AGBL4: variants seen among roughly 807,000 people sequenced by gnomAD.
AGBL4 encodes the protein cytosolic carboxypeptidase 6.
AGBL4 carries 58 observed loss-of-function variants against 66.4 expected under a neutral mutation model. The observed-to-expected ratio is 0.87, with a 90% confidence interval of 0.71 to 1.09. The LOEUF is 1.09. Among genes scored for constraint, AGBL4 ranks in the 50% least tolerant of loss-of-function variants. The probability of loss-of-function intolerance (pLI) is 0.00; values close to 1 mark genes in which losing one functional copy is unlikely to be tolerated. For synonymous variants in AGBL4, 234 were observed against 222.9 expected (o/e 1.05, Z -0.44); for missense variants, 579 against 631.0 (o/e 0.92, Z 0.88).
chr1:49,219,194 G>T (rs1369604161), intron 4 of AGBL4, among the ~76,000 whole-genome samples: 3 of 152,086 alleles, frequency 2.0e-5, no homozygotes, highest in African/African-American at 7.2e-5. Context: ...GCACAGGATT[G>T]TCACCCATCA....
At chr1:48,902,291 TA>T (rs950203732) in intron 5 of AGBL4, among the ~76,000 whole-genome samples, 19 of 152,116 alleles carry the variant, frequency 1.2e-4, no homozygotes, top group African/African-American at 4.3e-4. Context: ...TTTTTTAAAA[TA>T]AAAAACCATA....
chr1:49,705,448 G>A (rs1437185711), intron 2 of AGBL4, among the ~76,000 whole-genome samples: 1 of 150,614 alleles, frequency 6.6e-6, no homozygotes, highest in South Asian at 2.1e-4. Flanking sequence ...AGCCAGATGA[G>A]GGGATTTTCT....
intron 2 of AGBL4, among the ~76,000 whole-genome samples, chr1:49,721,376 A>C (rs1203485598): frequency 6.6e-6 from 1 of 151,852 alleles, no homozygotes; most frequent in Non-Finnish European, 1.5e-5. Context: ...TGTAACACTC[A>C]CTGTGAAGGT....
At chr1:49,051,848 G>C (rs986190323) in intron 4 of AGBL4, among the ~76,000 whole-genome samples, 4 of 152,092 alleles carry the variant, frequency 2.6e-5, no homozygotes, top group African/African-American at 9.7e-5. Flanking sequence ...GGGAGAGGGA[G>C]AAAGAGTAAG....
chr1:49,446,381 A>G (rs1051261019), intron 3 of AGBL4, among the ~76,000 whole-genome samples: 2 of 152,120 alleles, frequency 1.3e-5, no homozygotes. Context: ...TTGGTTCAGT[A>G]GGGCACTTTG....
Position 50,011,926 on chromosome 1 carries a change from G to A in AGBL4, c.34+11837C>T, listed in dbSNP as rs182279961. ...TGTAATCCCAGCACTTTGGGAGGCC[G>A]AGGCGGGTGGATCATGAGGTCAGGA... On this transcript the variant is annotated intron_variant, in intron 1 of 13. Coordinates refer to ENST00000371839, the MANE Select transcript of AGBL4 (RefSeq NM_032785.4). Among the ~76,000 whole-genome samples the A allele has an allele frequency of 2.0e-3, 300 of 152,248 alleles. 1 individual carries two copies. The highest frequency in any genetic ancestry group is 7.0e-3 in the African/African-American group (289 of 41,556).
intron 1 of AGBL4, among the ~76,000 whole-genome samples, chr1:49,968,248 GA>G (rs1038176316): frequency 1.3e-5 from 2 of 149,568 alleles, no homozygotes; most frequent in Admixed American, 1.3e-4. Context: ...GCATTTCCTT[GA>G]AAAAAATCTA....
At chr1:49,266,632 C>T (rs1001611905) in intron 3 of AGBL4, among the ~76,000 whole-genome samples, 21 of 151,934 alleles carry the variant, frequency 1.4e-4, no homozygotes, top group African/African-American at 2.2e-4. Flanking sequence ...CACACACACG[C>T]GAAGGTAGAG....
chr1:49,564,508 C>G (rs1489189649), intron 3 of AGBL4, among the ~76,000 whole-genome samples: 2 of 152,080 alleles, frequency 1.3e-5, no homozygotes, highest in African/African-American at 4.8e-5. Flanking sequence ...TATGTTGTGT[C>G]TTTCTTCTCG....
At chr1:49,829,549 A>T (rs1645600572) in intron 2 of AGBL4, among the ~76,000 whole-genome samples, 1 of 152,186 alleles carries the variant, frequency 6.6e-6, no homozygotes, top group Non-Finnish European at 1.5e-5. Flanking sequence ...AAAAATAAAG[A>T]TGTAATGGTA....
intron 5 of AGBL4, among the ~76,000 whole-genome samples, chr1:49,008,814 G>A (rs920071875): frequency 2.3e-4 from 35 of 151,320 alleles, no homozygotes; most frequent in Admixed American, 2.0e-3. Flanking sequence ...AAATAAAGAT[G>A]TTCTTTGAAA....
chr1:48,837,698 G>GCA (rs1258416679), intron 6 of AGBL4, among the ~76,000 whole-genome samples: 17 of 72,366 alleles, frequency 2.3e-4, no homozygotes, highest in South Asian at 1.0e-3. Context: ...GCACACACAC[G>GCA]CACACACACA....
At chr1:48,631,321 T>C (rs76181360) in intron 9 of AGBL4, among the ~76,000 whole-genome samples, 3,407 of 152,288 alleles carry the variant, frequency 0.022, 141 homozygotes, top group African/African-American at 0.078. Context: ...AATGTGAATT[T>C]GAATCAGATC....
At chr1:49,649,896 T>C (rs985672709) in intron 3 of AGBL4, among the ~76,000 whole-genome samples, 1 of 152,006 alleles carries the variant, frequency 6.6e-6, no homozygotes, top group Non-Finnish European at 1.5e-5. Context: ...AAATAACATA[T>C]AGGTAAAAAA....
chr1:50,010,021 T>C (rs2148434560), intron 1 of AGBL4, among the ~76,000 whole-genome samples: 1 of 152,172 alleles, frequency 6.6e-6, no homozygotes, highest in East Asian at 1.9e-4. Flanking sequence ...AATAAAAAGA[T>C]ATTCGGCCAG....
rs957586640 is a variant in AGBL4 at position 49,157,388 on chromosome 1, C to G, written c.377+88382G>C. Among the ~76,000 whole-genome samples, 55 of 152,066 alleles carry G rather than the reference C, an allele frequency of 3.6e-4. 1 individual carries two copies. The highest frequency in any genetic ancestry group is 1.3e-3 in the African/African-American group (54 of 41,404). ...GAGAATGATGGTTTCCAGCTTCATC[C>G]ATGTCCCTGCAAAGGACATGACCTC... On this transcript the variant is annotated intron_variant, in intron 4 of 13. Coordinates refer to ENST00000371839, the MANE Select transcript of AGBL4 (RefSeq NM_032785.4).
intron 3 of AGBL4, among the ~76,000 whole-genome samples, chr1:49,670,567 G>A (rs1241065825): frequency 6.6e-6 from 1 of 152,170 alleles, no homozygotes; most frequent in Non-Finnish European, 1.5e-5. Context: ...TATAGGTATA[G>A]GTTATGAGAC....
chr1:48,572,023 A>G (rs1644572802), intron 11 of AGBL4, among the ~76,000 whole-genome samples: 1 of 152,220 alleles, frequency 6.6e-6, no homozygotes, highest in Non-Finnish European at 1.5e-5. Flanking sequence ...CTCAATAGGT[A>G]TTACACTATT....
At chr1:49,490,121 A>T (rs1453095512) in intron 3 of AGBL4, among the ~76,000 whole-genome samples, 1 of 151,808 alleles carries the variant, frequency 6.6e-6, no homozygotes, top group East Asian at 1.9e-4. Flanking sequence ...TTTTTCTTTA[A>T]GAGAAATGTT....
Sources: allele counts gnomAD v4.1 joint callset (sites outside exome capture counted in the v4.1 genomes callset), GRCh38; gene constraint gnomAD v4.1.1; transcripts MANE v1.5; gene names NCBI Gene and HGNC (gene_info 2026-07-23, HGNC 2026-07-21).